BANP: variants seen among roughly 807,000 people sequenced by gnomAD.
The protein encoded by BANP is BTG3 associated nuclear protein, also known as protein BANP.
Under a neutral mutation model 68.1 loss-of-function variants are expected in BANP, and 11 were observed. The ratio of observed to expected loss-of-function variants is 0.16; its 90% CI spans 0.10 to 0.27. The LOEUF (loss-of-function observed/expected upper bound fraction) is 0.27. Among genes scored for constraint, BANP ranks in the 10% least tolerant of loss-of-function variants. The pLI, the probability that BANP is intolerant of heterozygous loss-of-function variation, is 1.00. For synonymous variants in BANP, 329 were observed against 303.2 expected (o/e 1.09, Z -0.88); for missense variants, 504 against 722.7 (o/e 0.70, Z 3.47).
intron 11 of BANP, among the ~76,000 whole-genome samples, chr16:88,048,277 T>A (rs1250804948): frequency 6.6e-6 from 1 of 152,216 alleles, no homozygotes; most frequent in Non-Finnish European, 1.5e-5. Flanking sequence ...AAGCATCTAA[T>A]CATTTGGAGA....
At chr16:87,961,990 A>G (rs532114754) in intron 1 of BANP, among the ~76,000 whole-genome samples, 15 of 152,254 alleles carry the variant, frequency 9.9e-5, no homozygotes, top group African/African-American at 3.6e-4. Flanking sequence ...CTGTAATCCC[A>G]GCACTTTGGG....
intron 12 of BANP, among the ~76,000 whole-genome samples, chr16:88,070,841 G>T (rs1466004219): frequency 6.6e-6 from 1 of 152,202 alleles, no homozygotes; most frequent in African/African-American, 2.4e-5. Flanking sequence ...TTTGCTCTGG[G>T]CGCCGTACTT....
intron 9 of BANP, chr16:88,035,074 C>A: frequency 2.0e-6 from 1 of 508,018 alleles, no homozygotes; most frequent in Non-Finnish European, 3.6e-6. Flanking sequence ...TCAGCACCAT[C>A]CACAGTTTCT....
At chr16:87,954,544 G>C (rs943026889) in intron 1 of BANP, among the ~76,000 whole-genome samples, 1 of 152,206 alleles carries the variant, frequency 6.6e-6, no homozygotes, top group Non-Finnish European at 1.5e-5. Flanking sequence ...GCCTGTCACC[G>C]TGGGACCTGG....
At chr16:87,966,688 T>A (rs1422688257) in intron 1 of BANP, 1 of 152,226 alleles carries the variant, frequency 6.6e-6, no homozygotes, top group Non-Finnish European at 1.5e-5. Context: ...AAGCTTGAAT[T>A]GGGCATTTAA....
rs1189849583 is a variant in BANP at position 88,027,391 on chromosome 16, C to T, written c.896-92C>T. 2.8e-6 allele frequency: 4 copies of T among 1,438,364 alleles called. No individual in the cohort carries two copies. The East Asian group carries it at 9.1e-5, about 33-fold the overall frequency. 89.1% of individuals were successfully genotyped at this position (1,438,364 alleles called of 1,614,324 possible). ...GGCGGGCTGGGGTGCCTGGGTGAGG[C>T]CTCTTCAGCGGGCCCCGGCCCTGCA... On this transcript the variant is annotated intron_variant, in intron 7 of 13. Coordinates refer to ENST00000682872, the MANE Select transcript of BANP (RefSeq NM_001386991.1).
intron 1 of BANP, among the ~76,000 whole-genome samples, chr16:87,965,816 G>A (rs1426921065): frequency 4.6e-5 from 7 of 152,208 alleles, no homozygotes; most frequent in Non-Finnish European, 8.8e-5. Flanking sequence ...ACATCACTTG[G>A]TTGTAGAAAC....
chr16:88,001,629 C>A (rs1046006325), intron 4 of BANP, among the ~76,000 whole-genome samples: 3 of 152,152 alleles, frequency 2.0e-5, no homozygotes, highest in African/African-American at 4.8e-5. Flanking sequence ...TTTACTTTTA[C>A]AGCATATTAT....
intron 7 of BANP, among the ~76,000 whole-genome samples, chr16:88,024,612 C>T (rs1254964865): frequency 1.3e-5 from 2 of 152,216 alleles, no homozygotes; most frequent in African/African-American, 2.4e-5. Context: ...CATCTGCGGG[C>T]GGCGCCTGCA....
intron 11 of BANP, among the ~76,000 whole-genome samples, chr16:88,056,554 G>A (rs1030978630): frequency 1.3e-5 from 2 of 151,390 alleles, no homozygotes; most frequent in Admixed American, 6.6e-5. Context: ...TGGTGCCTTC[G>A]AAGGGCTCGC....
intron 1 of BANP, among the ~76,000 whole-genome samples, chr16:87,960,218 TGGCAGGTG>T (rs1567582052): frequency 6.6e-6 from 1 of 152,156 alleles, no homozygotes; most frequent in African/African-American, 2.4e-5. Flanking sequence ...ACACTGGCCG[TGGCAGGTG>T]CCCACGCAGT....
chr16:88,040,371 C>T (rs1003486255), intron 11 of BANP, among the ~76,000 whole-genome samples: 9 of 151,940 alleles, frequency 5.9e-5, no homozygotes, highest in African/African-American at 2.2e-4. Context: ...AAGGATGTTT[C>T]AGAAAGCACA....
intron 1 of BANP, among the ~76,000 whole-genome samples, chr16:87,961,683 T>C (rs1478027391): frequency 6.6e-6 from 1 of 152,220 alleles, no homozygotes. Flanking sequence ...CCATGAATGT[T>C]TGTCCCCTTT....
Position 88,076,980 on chromosome 16 carries a change from G to A in BANP, c.*319G>A, listed in dbSNP as rs369288051. The A allele has an allele frequency of 9.8e-6, 3 of 306,212 alleles. No homozygotes were observed. Among genetic ancestry groups the A allele is most frequent in the East Asian group, 1.3e-4 (2 of 15,340 alleles). The allele number at this position is 306,212 out of a possible 1,614,324, so 19.0% of individuals were successfully genotyped here. A position where few individuals can be genotyped will look rare whatever the true frequency, so the allele number is the denominator to read the frequency against. Reference sequence around the variant, plus strand: ...CTGTTTAAACAGCTTTTTTTAATTTGCTATGGTGTTTATAACAAAAAAGAA... The same window carrying A: ...CTGTTTAAACAGCTTTTTTTAATTTACTATGGTGTTTATAACAAAAAAGAA... On this transcript the variant is annotated 3_prime_UTR_variant, in exon 14 of 14. Coordinates refer to ENST00000682872, the MANE Select transcript of BANP (RefSeq NM_001386991.1).
Position 88,006,185 on chromosome 16 carries a change from G to A in BANP, c.575G>A (p.Ser192Asn). The change falls in exon 6 of 14, where the codon AGC (serine) becomes AAC (asparagine). Residue 192 changes from serine to asparagine, a missense_variant. Physicochemically the swap from Ser to Asn is conservative, Grantham distance 46. Coordinates refer to ENST00000682872, the MANE Select transcript of BANP (RefSeq NM_001386991.1). The stretch of plus-strand genomic sequence containing the variant: ...GACGGGGAGAGCGGCTCGGAGGCCA[G>A]CGACTCTGTGTCCAGCTGTGGGCAG... ...HEDGESGSEA[S>N]DSVSSCGQAG... 1 of 1,613,936 alleles carries A rather than the reference G, an allele frequency of 6.2e-7. No individual in the cohort carries two copies. The highest frequency in any genetic ancestry group is 8.5e-7 in the Non-Finnish European group (1 of 1,179,954).
intron 4 of BANP, among the ~76,000 whole-genome samples, chr16:87,994,116 C>T (rs540226917): frequency 3.0e-4 from 46 of 150,892 alleles, no homozygotes; most frequent in Non-Finnish European, 6.2e-4. Context: ...CGGTGTGCTG[C>T]GGTGCACTGT....
chr16:87,987,239 T>C (rs796234771), intron 4 of BANP, among the ~76,000 whole-genome samples: 2 of 152,080 alleles, frequency 1.3e-5, no homozygotes, highest in African/African-American at 4.8e-5. Flanking sequence ...CCACGCCGCC[T>C]AGCTAATTTT....
At chr16:88,039,653 C>A (rs1046496614) in intron 11 of BANP, among the ~76,000 whole-genome samples, 1 of 142,422 alleles carries the variant, frequency 7.0e-6, no homozygotes, top group African/African-American at 2.5e-5. Flanking sequence ...AGAATTCTCC[C>A]AACTTTATTG....
At chr16:87,976,110 A>G (rs2062071751) in intron 2 of BANP, among the ~76,000 whole-genome samples, 1 of 152,242 alleles carries the variant, frequency 6.6e-6, no homozygotes, top group Non-Finnish European at 1.5e-5. Context: ...GGCTCCTGGC[A>G]TAGTCTGTCT....
Sources: gnomAD v4.1 joint callset for allele counts (sites outside exome capture counted in the v4.1 genomes callset) on GRCh38, gnomAD v4.1.1 for gene constraint, MANE v1.5 for transcripts, NCBI Gene and HGNC (gene_info 2026-07-23, HGNC 2026-07-21) for gene names.